DOK6: variants seen among roughly 807,000 people sequenced by gnomAD.
The protein encoded by DOK6 is downstream of tyrosine kinase 6.
DOK6 carries 22 observed loss-of-function variants against 44.0 expected under a neutral mutation model. The observed-to-expected ratio is 0.50, with a 90% CI of 0.36 to 0.71. The LOEUF (loss-of-function observed/expected upper bound fraction) is 0.71, where lower values mean the gene tolerates loss of function less well. Ranked by LOEUF, DOK6 falls within the 30% of genes least tolerant of loss-of-function variation. DOK6 has a pLI of 0.00. For synonymous variants in DOK6, 166 were observed against 145.5 expected (o/e 1.14, Z -1.01); for missense variants, 340 against 416.4 (o/e 0.82, Z 1.60).
chr18:69,427,193 C>CCT (rs946265781), intron 1 of DOK6, among the ~76,000 whole-genome samples: 2 of 151,076 alleles, frequency 1.3e-5, no homozygotes, highest in Non-Finnish European at 3.0e-5. Context: ...TCTCCCTCTC[C>CCT]CTCTCTCTCT....
At chr18:69,539,379 A>AT (rs1437983687) in intron 1 of DOK6, among the ~76,000 whole-genome samples, 9 of 151,398 alleles carry the variant, frequency 5.9e-5, no homozygotes, top group African/African-American at 1.9e-4. Context: ...TCTTAAATTC[A>AT]TTTTTTTGTA....
At chr18:69,498,488 T>C (rs1398253421) in intron 1 of DOK6, among the ~76,000 whole-genome samples, 1 of 152,176 alleles carries the variant, frequency 6.6e-6, no homozygotes, top group Non-Finnish European at 1.5e-5. Context: ...CAAATGATAT[T>C]TTAAAGACTA....
At chr18:69,619,664 T>C (rs887443679) in intron 3 of DOK6, among the ~76,000 whole-genome samples, 7 of 152,306 alleles carry the variant, frequency 4.6e-5, no homozygotes, top group African/African-American at 1.7e-4. Context: ...GTCCACCAGT[T>C]TGTTATTGGC....
chr18:69,608,842 CG>C (rs1203031920), intron 3 of DOK6, among the ~76,000 whole-genome samples: 1 of 150,012 alleles, frequency 6.7e-6, no homozygotes, highest in Non-Finnish European at 1.5e-5. Flanking sequence ...CCCAGCTACT[CG>C]GGAGGCTGAG....
chr18:69,439,402 C>A (rs554524413), intron 1 of DOK6, among the ~76,000 whole-genome samples: 1 of 152,178 alleles, frequency 6.6e-6, no homozygotes, highest in Non-Finnish European at 1.5e-5. Flanking sequence ...TCCTTTGAAG[C>A]TTTGAAGCCA....
intron 1 of DOK6, among the ~76,000 whole-genome samples, chr18:69,442,671 G>T (rs747903817): frequency 6.6e-6 from 1 of 152,078 alleles, no homozygotes; most frequent in African/African-American, 2.4e-5. Context: ...AACAATAGAC[G>T]TGGAATTTCT....
chr18:69,494,869 C>T (rs1980837283), intron 1 of DOK6, among the ~76,000 whole-genome samples: 1 of 152,198 alleles, frequency 6.6e-6, no homozygotes, highest in Admixed American at 6.5e-5. Context: ...GCCAGTGGCA[C>T]CTTTGTGTGA....
intron 2 of DOK6, among the ~76,000 whole-genome samples, chr18:69,567,598 T>C (rs1983014879): frequency 6.6e-6 from 1 of 152,154 alleles, no homozygotes; most frequent in Non-Finnish European, 1.5e-5. Context: ...TGAGAGTCAA[T>C]GACAGGGTTT....
intron 3 of DOK6, among the ~76,000 whole-genome samples, chr18:69,640,950 C>T (rs1034885689): frequency 1.6e-4 from 24 of 152,054 alleles, no homozygotes; most frequent in African/African-American, 5.6e-4. Flanking sequence ...TGGTGGCTCA[C>T]GCCTGTAATC....
chr18:69,472,884 T>C (rs12967735), intron 1 of DOK6, among the ~76,000 whole-genome samples: 4,430 of 152,288 alleles, frequency 0.029, 94 homozygotes, highest in Non-Finnish European at 0.042. Context: ...ATTTCAAACA[T>C]AGGTCATTCA....
intron 4 of DOK6, among the ~76,000 whole-genome samples, chr18:69,684,854 C>T (rs1430110663): frequency 6.6e-6 from 1 of 152,132 alleles, no homozygotes; most frequent in Non-Finnish European, 1.5e-5. Context: ...GGAGAGGGTG[C>T]TCAACTTTTC....
intron 3 of DOK6, among the ~76,000 whole-genome samples, chr18:69,646,329 G>A (rs1226754621): frequency 6.6e-6 from 1 of 152,006 alleles, no homozygotes; most frequent in Non-Finnish European, 1.5e-5. Flanking sequence ...GACAGAAGGT[G>A]TTTGCTTTCA....
intron 5 of DOK6, among the ~76,000 whole-genome samples, chr18:69,712,756 A>T (rs910489938): frequency 6.6e-6 from 1 of 152,138 alleles, no homozygotes; most frequent in Non-Finnish European, 1.5e-5. Flanking sequence ...CTGCGGCAGG[A>T]GAATCTCTTG....
At chr18:69,782,263 G>C (rs1318924014) in intron 7 of DOK6, among the ~76,000 whole-genome samples, 1 of 145,766 alleles carries the variant, frequency 6.9e-6, no homozygotes, top group African/African-American at 2.5e-5. Context: ...CCAGGCTGGA[G>C]TGCAGCGGCG....
chr18:69,662,462 T>C (rs1265038684), intron 3 of DOK6: 1 of 152,228 alleles, frequency 6.6e-6, no homozygotes, highest in Non-Finnish European at 1.5e-5. Flanking sequence ...TTTGAAAATG[T>C]TTTTCTTTTA....
chr18:69,448,360 T>G (rs1245848424), intron 1 of DOK6, among the ~76,000 whole-genome samples: 1 of 152,104 alleles, frequency 6.6e-6, no homozygotes, highest in Non-Finnish European at 1.5e-5. Flanking sequence ...ATTGATTCTT[T>G]TTTTATTTTT....
intron 1 of DOK6, among the ~76,000 whole-genome samples, chr18:69,419,031 A>G (rs1978413119): frequency 6.6e-6 from 1 of 152,144 alleles, no homozygotes; most frequent in African/African-American, 2.4e-5. Context: ...GGTTTGTATA[A>G]GCTACATTTG....
chr18:69,647,501 A>G lies in DOK6; in HGVS notation c.290-30233A>G, dbSNP rs1405954022. ...CCCTTAAGTCCATGAAGATGCAAAC[A>G]AACAGCCAAGAGATCTGAAAGTAAA... On this transcript the variant is annotated intron_variant, in intron 3 of 7. Coordinates refer to ENST00000382713, the MANE Select transcript of DOK6 (RefSeq NM_152721.6). 4 of 152,214 alleles carry G rather than the reference A, an allele frequency of 2.6e-5. No homozygotes were observed. In the East Asian group the frequency reaches 7.7e-4, roughly 29 times the overall value. The allele number at this position is 152,214 out of a possible 1,614,324, so 9.4% of individuals were successfully genotyped here. A position where few individuals can be genotyped will look rare whatever the true frequency, so the allele number is the denominator to read the frequency against.
chr18:69,447,820 CAT>C (rs1197805464), intron 1 of DOK6, among the ~76,000 whole-genome samples: 1 of 152,176 alleles, frequency 6.6e-6, no homozygotes, highest in Non-Finnish European at 1.5e-5. Flanking sequence ...TAAAAGTAAA[CAT>C]ATCTCTTTTC....
Sources: allele counts gnomAD v4.1 joint callset (sites outside exome capture counted in the v4.1 genomes callset), GRCh38; gene constraint gnomAD v4.1.1; transcripts MANE v1.5; gene names NCBI Gene and HGNC (gene_info 2026-07-23, HGNC 2026-07-21).